ANKRD28: variants seen among roughly 807,000 people sequenced by gnomAD.
The protein encoded by ANKRD28 is ankyrin repeat domain 28, also known as serine/threonine-protein phosphatase 6 regulatory ankyrin repeat subunit A.
Under a neutral mutation model 126.5 loss-of-function variants are expected in ANKRD28, and 44 were observed. The ratio of observed to expected loss-of-function variants is 0.35; its 90% CI spans 0.27 to 0.45. The LOEUF is 0.45. Ranked by LOEUF, ANKRD28 falls within the 20% of genes least tolerant of loss-of-function variation. ANKRD28 has a pLI of 1.00. For synonymous variants in ANKRD28, 442 were observed against 468.5 expected, an observed-to-expected ratio of 0.94 and a Z score of 0.73; for missense variants, 1,110 against 1,316.6, an observed-to-expected ratio of 0.84 and a Z score of 2.43.
chr3:15,711,992 G>C, intron 11 of ANKRD28, 148 bp downstream of exon 11: 1 of 656,086 alleles, frequency 1.5e-6, no homozygotes, highest in Non-Finnish European at 2.7e-6. Context: ...CACCACGCCA[G>C]ACCTGAACCC....
intron 18 of ANKRD28, 145 bp from the exon 19 acceptor site, chr3:15,686,454 A>T (rs772676432): frequency 1.5e-6 from 1 of 684,094 alleles, no homozygotes; most frequent in Non-Finnish European, 2.4e-6. Flanking sequence ...AGGTAAAAAG[A>T]AGGTTTCTAC....
At chr3:15,859,721 C>A in exon 1 of ANKRD28, 1 of 157,538 alleles carries the variant, frequency 6.3e-6, no homozygotes, top group Non-Finnish European at 1.4e-5. Context: ...GCTGCCGCCG[C>A]CGCCTCCTCA....
intron 1 of ANKRD28, among the ~76,000 whole-genome samples, chr3:15,859,031 G>A (rs899107202): frequency 9.9e-5 from 15 of 152,162 alleles, no homozygotes; most frequent in African/African-American, 2.9e-4. Flanking sequence ...CTCCCGCCCG[G>A]CAGCGGGGAA....
At chr3:15,803,666 G>GCCAAAA (rs1553640584) in intron 1 of ANKRD28, among the ~76,000 whole-genome samples, 20 of 147,198 alleles carry the variant, frequency 1.4e-4, no homozygotes, top group East Asian at 5.3e-4. Context: ...TATAGGACAT[G>GCCAAAA]TTAATAGACT....
Position 15,796,585 on chromosome 3 carries a change from T to C in ANKRD28, c.-64A>G, listed in dbSNP as rs185452688. ...AAAGTCACAGTTGGAAGAGCACAAG[T>C]AGTTTTTCCTCCTCTTCTGTACAAC... On this transcript the variant is annotated 5_prime_UTR_variant, in exon 1 of 28. Transcript: ENST00000683139. The C allele has an allele frequency of 3.2e-5, 39 of 1,219,130 alleles. No individual in the cohort carries two copies. Among genetic ancestry groups the C allele is most frequent in the Admixed American group, 1.6e-4 (6 of 37,048 alleles). 75.5% of individuals were successfully genotyped at this position (1,219,130 alleles called of 1,614,324 possible).
rs1037991477 is a variant in ANKRD28, at chr3:15,846,087, C to T, written c.27+13290G>A. Among the ~76,000 whole-genome samples the T allele has an allele frequency of 6.6e-6, 1 of 152,156 alleles. No homozygotes were observed. Among genetic ancestry groups the T allele is most frequent in the Non-Finnish European group, 1.5e-5 (1 of 68,026 alleles). On this transcript the variant is annotated intron_variant, in intron 1 of 27. Coordinates refer to the ANKRD28 transcript ENST00000399451. This position sits in a 1 kb window ranked among gnomAD's most constrained non-coding sequence, Gnocchi z 5.4. ...CATTTCAAAACCAACCATGCCTTTC[C>T]AATAGTCTCCCAAAATCTTAACTCG...
At chr3:15,765,072 C>T (rs562019525) in intron 3 of ANKRD28, among the ~76,000 whole-genome samples, 1 of 152,276 alleles carries the variant, frequency 6.6e-6, no homozygotes, top group African/African-American at 2.4e-5. Context: ...ACTACTAATC[C>T]AATTTCATTA....
At position 15,762,488 on chromosome 3, in the gene ANKRD28, C is replaced by T. The variant is rs866360964; in HGVS notation, c.280+3746G>A. ...TGTTTCTTGATTGTAGAATTTAAAA[C>T]ATATAAATACACTTCTCCAGAGTAT... On this transcript the variant is annotated intron_variant, in intron 3 of 27. Coordinates refer to ENST00000683139, the MANE Select transcript of ANKRD28 (RefSeq NM_001349278.2). Among the ~76,000 whole-genome samples, 3 of 152,170 alleles carry T rather than the reference C, an allele frequency of 2.0e-5. No homozygotes were observed. The South Asian group carries it at 6.2e-4, about 32-fold the overall frequency.
chr3:15,696,060 T>C (rs2069503384), intron 15 of ANKRD28, 74 bp downstream of exon 15: 2 of 1,022,124 alleles, frequency 2.0e-6, no homozygotes, highest in Non-Finnish European at 1.4e-6. Flanking sequence ...CCTTGATCCA[T>C]TTATTCTCAT....
Position 15,669,999 on chromosome 3 carries a change from C to G in ANKRD28, c.*271G>C, listed in dbSNP as rs1007415716. ...AGAGTGCACAGTGTCCCCAATTGTT[C>G]CTGGCACTGCAAAACCAAATTAAAC... is the stretch of plus-strand genomic sequence containing the variant. On this transcript the variant is annotated 3_prime_UTR_variant, in exon 28 of 28. Coordinates refer to ENST00000683139, the MANE Select transcript of ANKRD28 (RefSeq NM_001349278.2). The G allele has an allele frequency of 2.6e-6, 1 of 389,110 alleles. No individual in the cohort carries two copies. The highest frequency in any genetic ancestry group is 4.0e-5 in the Admixed American group (1 of 25,210). 24.1% of individuals were successfully genotyped at this position (389,110 alleles called of 1,614,324 possible).
chr3:15,762,880 T>C (rs2058564286), intron 3 of ANKRD28, among the ~76,000 whole-genome samples: 1 of 152,208 alleles, frequency 6.6e-6, no homozygotes, highest in Non-Finnish European at 1.5e-5. Context: ...TCCCATTTTT[T>C]TAGATGAGGA....
intron 1 of ANKRD28, among the ~76,000 whole-genome samples, chr3:15,808,432 T>A (rs2060636064): frequency 6.6e-6 from 1 of 152,250 alleles, no homozygotes; most frequent in African/African-American, 2.4e-5. Flanking sequence ...AAAACAAAGA[T>A]GAATCCTATC....
At chr3:15,788,118 C>T (rs767487745) in intron 2 of ANKRD28, among the ~76,000 whole-genome samples, 1 of 152,078 alleles carries the variant, frequency 6.6e-6, no homozygotes, top group African/African-American at 2.4e-5. Flanking sequence ...TTGTGTAATA[C>T]TACTTTGACA....
chr3:15,850,204 A>AAAAAAAAT lies in ANKRD28; in HGVS notation c.27+9172_27+9173insATTTTTTT, dbSNP rs1486394619. On this transcript the variant is annotated intron_variant, in intron 1 of 27. Coordinates refer to the ANKRD28 transcript ENST00000399451. The stretch of plus-strand genomic sequence containing the variant: ...TCTACATGCAATAAAAAAAAAAAAA[A>AAAAAAAAT]ATATATATATATATATATATAGAGA... Among the ~76,000 whole-genome samples, 53 of 54,824 alleles carry AAAAAAAAT rather than the reference A, an allele frequency of 9.7e-4. 1 individual carries two copies. Among genetic ancestry groups the AAAAAAAAT allele is most frequent in the African/African-American group, 2.8e-3 (48 of 16,918 alleles). 36.0% of individuals were successfully genotyped at this position (54,824 alleles called of 152,430 possible).
intron 4 of ANKRD28, among the ~76,000 whole-genome samples, chr3:15,743,352 TA>T (rs1255379891): frequency 1.3e-5 from 2 of 148,168 alleles, no homozygotes; most frequent in Non-Finnish European, 3.0e-5. Flanking sequence ...GAATGATCAA[TA>T]AAAAACAAAC....
At chr3:15,711,576 G>A (rs1416230239) in intron 11 of ANKRD28, among the ~76,000 whole-genome samples, 4 of 152,200 alleles carry the variant, frequency 2.6e-5, no homozygotes, top group Admixed American at 2.6e-4. Context: ...GTTCAGAACA[G>A]GCAAATTTTA....
chr3:15,721,457 CT>C (rs2073718385), intron 7 of ANKRD28, among the ~76,000 whole-genome samples: 1 of 152,096 alleles, frequency 6.6e-6, no homozygotes, highest in African/African-American at 2.4e-5. Context: ...AAAGGATTTA[CT>C]ATAGAATTAA....
rs548039414 is a variant in ANKRD28 at position 15,792,828 on chromosome 3, T to G, written c.201+2395A>C. On this transcript the variant is annotated intron_variant, in intron 2 of 27. Transcript: ENST00000683139. ...AAACATCCCATGTACCCCATAAATA[T>G]AGACACCTATTATGTACCCACAAAT... is the stretch of plus-strand genomic sequence containing the variant. Among the ~76,000 whole-genome samples the G allele has an allele frequency of 5.9e-5, 9 of 152,242 alleles. No homozygotes were observed. The East Asian group carries it at 1.5e-3, about 26-fold the overall frequency.
intron 6 of ANKRD28, chr3:15,733,155 A>ACT (rs1328744142): frequency 6.6e-6 from 1 of 152,252 alleles, no homozygotes; most frequent in Non-Finnish European, 1.5e-5. Flanking sequence ...ACAGAGCAAG[A>ACT]CTCTGTCTCA....
Sources: allele counts gnomAD v4.1 joint callset (sites outside exome capture counted in the v4.1 genomes callset), GRCh38; gene constraint gnomAD v4.1.1; non-coding constraint Gnocchi (gnomAD v3.1); transcripts MANE v1.5; gene names NCBI Gene and HGNC (gene_info 2026-07-23, HGNC 2026-07-21).